The following TAMALIN variants were observed in gnomAD, a reference collection of about 807,000 sequenced individuals.
TAMALIN encodes the protein protein TAMALIN.
In TAMALIN, 9 loss-of-function variants were observed where a neutral mutation model predicts 38.5. That is an observed-to-expected ratio of 0.23 (90% CI 0.14 to 0.41). The LOEUF is 0.41. TAMALIN is among the 10% of genes least tolerant of loss of function. The probability of loss-of-function intolerance (pLI) is 1.00; values close to 1 mark genes in which losing one functional copy is unlikely to be tolerated. For missense variants in TAMALIN, 548 were observed against 554.1 expected (o/e 0.99, Z 0.11); for synonymous variants, 306 against 256.5 (o/e 1.19, Z -1.85).
chr12:52,013,757 T>C lies in TAMALIN; in HGVS notation c.525T>C (p.Ile175=). 10 of 1,614,120 alleles carry C rather than the reference T, an allele frequency of 6.2e-6. No homozygotes were observed. Among genetic ancestry groups the C allele is most frequent in the Non-Finnish European group, 8.5e-6 (10 of 1,179,992 alleles). ...GIRHREIVDI[I]KASGNVLRLE... ...GGCATCGAGAGATTGTGGACATCAT[T>C]AAGGCGTCAGGCAATGTTCTCAGGT... is the stretch of plus-strand genomic sequence containing the variant. Residue 175 remains isoleucine (I), a synonymous_variant, in exon 5 of 8, where the codon ATT becomes ATC. Transcript: ENST00000293662.
In TAMALIN at chr12:52,014,159, G is replaced by C; in HGVS notation, c.640G>C (p.Glu214Gln). The C allele has an allele frequency of 6.2e-7, 1 of 1,604,856 alleles. No homozygotes were observed. The highest frequency in any genetic ancestry group is 1.1e-5 in the South Asian group (1 of 89,408). Residue 214 changes from glutamate to glutamine, a missense_variant, in exon 7 of 8, where the codon GAG (glutamate) becomes CAG (glutamine). Transcript: ENST00000293662. Reference protein sequence around the residue: ...LKQTLYEKWGEYRSLMVQEQR... With the variant: ...LKQTLYEKWGQYRSLMVQEQR... The stretch of plus-strand genomic sequence containing the variant: ...GCAAACCCTGTATGAGAAGTGGGGA[G>C]AGTACAGGTCCCTAATGGTGCAGGA...
At chr12:52,014,019 C>G in intron 6 of TAMALIN, 76 bp downstream of exon 6, 1 of 1,539,242 alleles carries the variant, frequency 6.5e-7, no homozygotes, top group African/African-American at 1.4e-5. Context: ...TCACTTACAG[C>G]TGAATCTCCT....
At chr12:52,008,658 C>T (rs1592271045) in intron 1 of TAMALIN, 6 of 985,392 alleles carry the variant, frequency 6.1e-6, no homozygotes, top group East Asian at 1.1e-4. Flanking sequence ...GCCAGCCCTT[C>T]GGGACAGGGT....
chr12:52,011,084 A>G lies in TAMALIN; in HGVS notation c.397A>G (p.Thr133Ala). 6.2e-7 allele frequency: 1 copy of G among 1,612,830 alleles called. No individual in the cohort carries two copies. The highest frequency in any genetic ancestry group is 1.1e-5 in the South Asian group (1 of 91,024). Residue 133 changes from threonine (T) to alanine (A), a missense_variant, in exon 4 of 8, where the codon ACC becomes GCC. Coordinates refer to ENST00000293662, the MANE Select transcript of TAMALIN (RefSeq NM_181711.4). The surrounding 1 kb of genome is among the most constrained non-coding windows in gnomAD (Gnocchi z 5.3). ...GGAGGAGCAGCGTGTGGAAATGGTG[A>G]CCTTTGTCTGCCGAGTTCATGAGTC... ...HREEQRVEMV[T>A]FVCRVHESSP...
chr12:52,013,504 GT>G (rs1246510360), intron 4 of TAMALIN, 182 bp from the exon 5 acceptor site: 4 of 605,994 alleles, frequency 6.6e-6, no homozygotes, highest in Non-Finnish European at 1.2e-5. Context: ...GGTTCTGTGT[GT>G]TTGGATCGAG....
At chr12:52,008,787 G>A in intron 1 of TAMALIN, 3 of 983,142 alleles carry the variant, frequency 3.1e-6, no homozygotes, top group Non-Finnish European at 3.6e-6. Flanking sequence ...CCTATCCTCT[G>A]AATCCCACTG....
Position 52,007,123 on chromosome 12 carries a change from C to A in TAMALIN, c.104C>A (p.Pro35Gln). 6.7e-7 allele frequency: 1 copy of A among 1,485,416 alleles called. No individual in the cohort carries two copies. The highest frequency in any genetic ancestry group is 8.9e-7 in the Non-Finnish European group (1 of 1,125,912). The allele number at this position is 1,485,416 out of a possible 1,614,324, so 92.0% of individuals were successfully genotyped here. Residue 35 changes from proline (P) to glutamine (Q), a missense_variant, in exon 1 of 8, where the codon CCG becomes CAG. Pro to Gln is a moderately conservative substitution (Grantham distance 76). Coordinates refer to ENST00000293662, the MANE Select transcript of TAMALIN (RefSeq NM_181711.4). The surrounding 1 kb of genome is among the most constrained non-coding windows in gnomAD (Gnocchi z 6.7). ...GACTCGGAAGTCGCGCCCGCCGCTC[C>A]GGTCCCGACCCCGGGACCCCCTGCC... ...TPDSEVAPAA[P>Q]VPTPGPPAAA...
chr12:52,010,597 G>C, intron 2 of TAMALIN: 1 of 1,228,020 alleles, frequency 8.1e-7, no homozygotes, highest in Non-Finnish European at 1.0e-6. Flanking sequence ...GGAAAGCTGG[G>C]ATGGGGCTAA....
At position 52,007,867 on chromosome 12, in the gene TAMALIN, G is replaced by T; in HGVS notation, c.246+602G>T. ...ACTTCTGTCGGAACCGGACGCAGTGGGAGGGGTCGCAGGGCGCCCGCGGGG... is the reference window on the plus strand; with the variant it reads ...ACTTCTGTCGGAACCGGACGCAGTGTGAGGGGTCGCAGGGCGCCCGCGGGG... On this transcript the variant is annotated intron_variant, in intron 1 of 7. Coordinates refer to ENST00000293662, the MANE Select transcript of TAMALIN (RefSeq NM_181711.4). The surrounding 1 kb of genome is among the most constrained non-coding windows in gnomAD (Gnocchi z 6.7). 1.0e-6 allele frequency: 1 copy of T among 985,414 alleles called. No individual in the cohort carries two copies. The highest frequency in any genetic ancestry group is 5.2e-4 in the Middle Eastern group (1 of 1,914). The allele number at this position is 985,414 out of a possible 1,614,324, so 61.0% of individuals were successfully genotyped here.
In TAMALIN at chr12:52,011,697, G is replaced by C. The variant is rs1011941081; in HGVS notation, c.454+556G>C. Among the ~76,000 whole-genome samples the C allele has an allele frequency of 6.6e-6, 1 of 151,996 alleles. No individual in the cohort carries two copies. The highest frequency in any genetic ancestry group is 2.4e-5 in the African/African-American group (1 of 41,352). ...AACTCACTATAACCTTGAACTCCTG[G>C]GCTCAAGCGATCCTCCTCTTGCCTC... On this transcript the variant is annotated intron_variant, in intron 4 of 7. Transcript: ENST00000293662. The surrounding 1 kb of genome is among the most constrained non-coding windows in gnomAD (Gnocchi z 5.3).
Position 52,007,672 on chromosome 12 carries a change from G to A in TAMALIN, c.246+407G>A. The A allele has an allele frequency of 1.0e-6, 1 of 985,430 alleles. No homozygotes were observed. The highest frequency in any genetic ancestry group is 1.2e-6 in the Non-Finnish European group (1 of 829,912). The allele number at this position is 985,430 out of a possible 1,614,324, so 61.0% of individuals were successfully genotyped here. ...GAAGGTCCGAGAGCCCCCGGTGGGA[G>A]AAGCGGGCCGGTGGCTGCGCCGCGT... On this transcript the variant is annotated intron_variant, in intron 1 of 7. Coordinates refer to ENST00000293662, the MANE Select transcript of TAMALIN (RefSeq NM_181711.4). This position sits in a 1 kb window ranked among gnomAD's most constrained non-coding sequence, Gnocchi z 6.7.
rs961644698 is a variant in TAMALIN, at chr12:52,015,097, C to T, written c.1086C>T (p.Gly362=). The T allele has an allele frequency of 9.3e-5, 145 of 1,560,024 alleles. No homozygotes were observed. Among genetic ancestry groups the T allele is most frequent in the Non-Finnish European group, 1.2e-4 (140 of 1,160,970 alleles). The change falls in exon 8 of 8, where the codon GGC becomes GGT. Residue 362 remains glycine, a synonymous_variant. Coordinates refer to ENST00000293662, the MANE Select transcript of TAMALIN (RefSeq NM_181711.4). ...AGGCTCGCGAGCAGGCCCTATGCGG[C>T]CCCGGCCTGCGCAAAACCAAGTACC... ...WTEAREQALC[G]PGLRKTKYRS...
chr12:52,007,876 G>T lies in TAMALIN; in HGVS notation c.246+611G>T, dbSNP rs1418750831. On this transcript the variant is annotated intron_variant, in intron 1 of 7. Transcript: ENST00000293662. The surrounding 1 kb of genome is among the most constrained non-coding windows in gnomAD (Gnocchi z 6.7). ...GGAACCGGACGCAGTGGGAGGGGTC[G>T]CAGGGCGCCCGCGGGGCAGGAAGGA... 1 of 985,264 alleles carries T rather than the reference G, an allele frequency of 1.0e-6. No individual in the cohort carries two copies. Among genetic ancestry groups the T allele is most frequent in the Admixed American group, 6.1e-5 (1 of 16,270 alleles). 61.0% of individuals were successfully genotyped at this position (985,264 alleles called of 1,614,324 possible). A position where few individuals can be genotyped will look rare whatever the true frequency, so the allele number is the denominator to read the frequency against.
Position 52,015,239 on chromosome 12 carries a change from C to A in TAMALIN, c.*40C>A. ...AGGGAGGTATTTATTTATTTATTCG[C>A]AACAGCCAGCGCTAAAAGAGGGGGA... is the stretch of plus-strand genomic sequence containing the variant. On this transcript the variant is annotated 3_prime_UTR_variant, in exon 8 of 8. Transcript: ENST00000293662. 4 of 1,545,952 alleles carry A rather than the reference C, an allele frequency of 2.6e-6. No individual in the cohort carries two copies. The highest frequency in any genetic ancestry group is 1.2e-5 in the South Asian group (1 of 85,536).
rs866345874 is a variant in TAMALIN at position 52,014,712 on chromosome 12, C to A, written c.701C>A (p.Pro234His). Reference protein sequence around the residue: ...RLVHGLVVKDPSIYDTLESVR... With the variant: ...RLVHGLVVKDHSIYDTLESVR... ...TGCGCAGGCCTGGTGGTGAAGGACC[C>A]CAGCATCTACGACACGCTGGAGTCG... Residue 234 changes from proline to histidine, a missense_variant, in exon 8 of 8, where the codon CCC becomes CAC. Pro to His is a moderately conservative substitution (Grantham distance 77). Coordinates refer to ENST00000293662, the MANE Select transcript of TAMALIN (RefSeq NM_181711.4). 6.6e-7 allele frequency: 1 copy of A among 1,511,460 alleles called. No homozygotes were observed. The highest frequency in any genetic ancestry group is 2.5e-5 in the East Asian group (1 of 40,812). The allele number at this position is 1,511,460 out of a possible 1,614,324, so 93.6% of individuals were successfully genotyped here. A position where few individuals can be genotyped will look rare whatever the true frequency, so the allele number is the denominator to read the frequency against.
Position 52,007,350 on chromosome 12 carries a change from C to T in TAMALIN, c.246+85C>T. ...TGCTGACTCCGCAGTGCCCTCTCCT[C>T]GGCGTCCGCGGAGTCCCCCACCTTC... On this transcript the variant is annotated intron_variant, in intron 1 of 7. Transcript: ENST00000293662. This position sits in a 1 kb window ranked among gnomAD's most constrained non-coding sequence, Gnocchi z 6.7. The T allele has an allele frequency of 7.7e-7, 1 of 1,296,718 alleles. No individual in the cohort carries two copies. Among genetic ancestry groups the T allele is most frequent in the Non-Finnish European group, 9.8e-7 (1 of 1,022,478 alleles). 80.3% of individuals were successfully genotyped at this position (1,296,718 alleles called of 1,614,324 possible). A position where few individuals can be genotyped will look rare whatever the true frequency, so the allele number is the denominator to read the frequency against.
intron 2 of TAMALIN, 122 bp from the exon 3 acceptor site, chr12:52,010,759 G>C: frequency 8.9e-7 from 1 of 1,117,790 alleles, no homozygotes; most frequent in Non-Finnish European, 1.4e-6. Context: ...AGACTGAGCT[G>C]TCACTGGAGA....
At position 52,011,818 on chromosome 12, in the gene TAMALIN, G is replaced by T. The variant is rs1011281442; in HGVS notation, c.454+677G>T. Among the ~76,000 whole-genome samples, 1 of 151,910 alleles carries T rather than the reference G, an allele frequency of 6.6e-6. No individual in the cohort carries two copies. On this transcript the variant is annotated intron_variant, in intron 4 of 7. Transcript: ENST00000293662. The surrounding 1 kb of genome is among the most constrained non-coding windows in gnomAD (Gnocchi z 5.3). Reference sequence around the variant, plus strand: ...GCAGATCTAGAGTCCCCAGGTTCCAGGAAGGGCAGCCTGAAACTGTATGAA... The same window carrying T: ...GCAGATCTAGAGTCCCCAGGTTCCATGAAGGGCAGCCTGAAACTGTATGAA...
Position 52,015,198 on chromosome 12 carries a change from AG to A in TAMALIN, c.*3del. 1 of 1,110,836 alleles carries A rather than the reference AG, an allele frequency of 9.0e-7. No individual in the cohort carries two copies. The highest frequency in any genetic ancestry group is 1.3e-6 in the Non-Finnish European group (1 of 774,660). 68.8% of individuals were successfully genotyped at this position (1,110,836 alleles called of 1,614,324 possible). ...CTGGAGGAGGAGGAGAGCCAGCTGT[AG>A]GGGCGGGGGCGGGCAGGGAGGTATT... ...RSLEEEESQL* is the reference protein window; with the variant it reads ...RSLEEEESQLX On this transcript the variant is annotated frameshift_variant and stop_lost, in exon 8 of 8. Transcript: ENST00000293662. LOFTEE classifies it high-confidence loss of function.
Sources: allele counts gnomAD v4.1 joint callset (sites outside exome capture counted in the v4.1 genomes callset), GRCh38; gene constraint gnomAD v4.1.1; non-coding constraint Gnocchi (gnomAD v3.1); transcripts MANE v1.5; gene names NCBI Gene and HGNC (gene_info 2026-07-23, HGNC 2026-07-21).